MTIF2: variants seen among roughly 807,000 people sequenced by gnomAD.
The protein encoded by MTIF2 is translation initiation factor IF-2, mitochondrial.
MTIF2 carries 71 observed loss-of-function variants against 83.5 expected under a neutral mutation model. The ratio of observed to expected loss-of-function variants is 0.85; its 90% CI spans 0.70 to 1.04. MTIF2 has a LOEUF of 1.04. Ranked by LOEUF, MTIF2 falls within the 50% of genes least tolerant of loss-of-function variation. The pLI is 0.00. For missense variants in MTIF2, 957 were observed against 846.5 expected, an observed-to-expected ratio of 1.13 and a Z score of -1.62; for synonymous variants, 319 against 287.1, an observed-to-expected ratio of 1.11 and a Z score of -1.12.
intron 5 of MTIF2, among the ~76,000 whole-genome samples, chr2:55,261,015 C>A (rs1677927300): frequency 6.6e-6 from 1 of 150,404 alleles, no homozygotes; most frequent in Non-Finnish European, 1.5e-5. Context: ...AAGATGGAGT[C>A]TCGCTCTGTC....
intron 5 of MTIF2, among the ~76,000 whole-genome samples, chr2:55,259,421 A>G (rs1257679360): frequency 6.6e-6 from 1 of 151,568 alleles, no homozygotes; most frequent in Non-Finnish European, 1.5e-5. Flanking sequence ...CTAAATTTGT[A>G]TTTTAATCAT....
At position 55,263,852 on chromosome 2, in the gene MTIF2, G is replaced by C. The variant is rs1678229964; in HGVS notation, c.7C>G (p.Gln3Glu). 4.4e-6 allele frequency: 7 copies of C among 1,608,760 alleles called. No homozygotes were observed. The highest frequency in any genetic ancestry group is 1.7e-5 in the Admixed American group (1 of 59,092). ...AAGTTCTCCAACTTCAGTAGCTTCT[G>C]GTTCATGTTTCTCCTGGGGAAAAAA... MN[Q>E]KLLKLENLLR... The change falls in exon 4 of 16, where the codon CAG (glutamine) becomes GAG (glutamate). Residue 3 changes from glutamine to glutamate, a missense_variant. Physicochemically the swap from Gln to Glu is conservative, Grantham distance 29. This residue lies in a region of MTIF2 where 733 missense variants were observed against 648.7 expected (regional missense o/e 1.13). Coordinates refer to ENST00000263629, the MANE Select transcript of MTIF2 (RefSeq NM_002453.3).
chr2:55,262,442 A>G lies in MTIF2; in HGVS notation c.220-15T>C. 1.3e-6 allele frequency: 2 copies of G among 1,549,666 alleles called. No individual in the cohort carries two copies. The highest frequency in any genetic ancestry group is 1.8e-6 in the Non-Finnish European group (2 of 1,130,390). ...GGTCCTTCTTCCTATTAAAAAAATC[A>G]GAACATATAAACAAAAAGGAAGAAA... is the stretch of plus-strand genomic sequence containing the variant. On this transcript the variant is annotated splice_polypyrimidine_tract_variant and intron_variant, in intron 4 of 15. Transcript: ENST00000263629.
chr2:55,243,501 C>T lies in MTIF2; in HGVS notation c.1479G>A (p.Arg493=), dbSNP rs1315644529. The T allele has an allele frequency of 7.4e-6, 12 of 1,613,930 alleles. No individual in the cohort carries two copies. Among genetic ancestry groups the T allele is most frequent in the African/African-American group, 1.3e-5 (1 of 74,914 alleles). The change falls in exon 12 of 16, where the codon CGG becomes CGA. Residue 493 remains arginine, a synonymous_variant. Coordinates refer to ENST00000263629, the MANE Select transcript of MTIF2 (RefSeq NM_002453.3). The part of the protein sequence containing the change: ...HLLWKKRSIL[R]FLERKEQIPL... ...GTATTTGTTCTTTTCTTTCTAAAAACCGTAGAATTGATCTCTTCTTCCACA... is the reference window on the plus strand; with the variant it reads ...GTATTTGTTCTTTTCTTTCTAAAAATCGTAGAATTGATCTCTTCTTCCACA...
At position 55,246,434 on chromosome 2, in the gene MTIF2, C is replaced by G; in HGVS notation, c.1009G>C (p.Ala337Pro). 6.2e-7 allele frequency: 1 copy of G among 1,613,786 alleles called. No individual in the cohort carries two copies. The highest frequency in any genetic ancestry group is 1.1e-5 in the South Asian group (1 of 91,084). Residue 337 changes from alanine (A) to proline (P), a missense_variant, in exon 10 of 16, where the codon GCA (alanine) becomes CCA (proline). Physicochemically the swap from Ala to Pro is conservative, Grantham distance 27 (BLOSUM62 -1). Around this residue, in one of 3 missense-constraint regions of MTIF2, gnomAD observed 733 missense variants for 648.7 expected, o/e 1.13. Transcript: ENST00000263629. ...TGDNLMALAE[A>P]TVALAEMLEL... ...AACATTTCTGCAAGAGCAACTGTTG[C>G]TTCTGCCAAAGCCATCAGATTATCG...
intron 3 of MTIF2, chr2:55,266,568 T>C (rs933508233): frequency 2.0e-5 from 3 of 149,512 alleles, no homozygotes; most frequent in South Asian, 2.1e-4. Context: ...TCTCATAATA[T>C]GGCATTTCTA....
intron 3 of MTIF2, among the ~76,000 whole-genome samples, chr2:55,264,603 T>A (rs1234788540): frequency 6.6e-6 from 1 of 152,146 alleles, no homozygotes; most frequent in Non-Finnish European, 1.5e-5. Context: ...GTAACCCACC[T>A]GTCATCTCTA....
chr2:55,251,399 T>A (rs560956343), intron 8 of MTIF2, among the ~76,000 whole-genome samples: 1 of 152,196 alleles, frequency 6.6e-6, no homozygotes, highest in Non-Finnish European at 1.5e-5. Flanking sequence ...TATGCAGACA[T>A]ACTGAAAATT....
intron 14 of MTIF2, 112 bp from the exon 15 acceptor site, chr2:55,237,540 T>C: frequency 3.0e-6 from 3 of 1,014,348 alleles, no homozygotes; most frequent in Non-Finnish European, 3.9e-6. Flanking sequence ...TCCAAATTCA[T>C]GCCTAGAAAA....
intron 14 of MTIF2, 107 bp from the exon 15 acceptor site, chr2:55,237,535 A>C: frequency 9.6e-7 from 1 of 1,039,476 alleles, no homozygotes; most frequent in Non-Finnish European, 1.3e-6. Flanking sequence ...AAAAATCCAA[A>C]TTCATGCCTA....
intron 13 of MTIF2, 140 bp downstream of exon 13, chr2:55,242,800 C>G (rs1676421737): frequency 1.3e-6 from 1 of 779,860 alleles, no homozygotes; most frequent in African/African-American, 1.8e-5. Context: ...CAATTGCTAG[C>G]TGGGACTGGA....
At chr2:55,259,842 G>A (rs2104442035) in intron 5 of MTIF2, among the ~76,000 whole-genome samples, 2 of 152,218 alleles carry the variant, frequency 1.3e-5, no homozygotes, top group Middle Eastern at 3.4e-3. Flanking sequence ...TACTTAGGAG[G>A]CTGAGGCACA....
chr2:55,242,187 A>G (rs1302367035), intron 13 of MTIF2, among the ~76,000 whole-genome samples: 3 of 152,152 alleles, frequency 2.0e-5, no homozygotes, highest in African/African-American at 4.8e-5. Flanking sequence ...ATATCTTTCA[A>G]TACACTATCT....
At chr2:55,245,067 A>G (rs1289242882) in intron 10 of MTIF2, among the ~76,000 whole-genome samples, 2 of 152,190 alleles carry the variant, frequency 1.3e-5, no homozygotes, top group African/African-American at 4.8e-5. Context: ...AAATTAAAAA[A>G]TAAATAAATA....
intron 4 of MTIF2, among the ~76,000 whole-genome samples, chr2:55,262,646 C>T (rs185464391): frequency 3.3e-5 from 5 of 150,990 alleles, no homozygotes; most frequent in Non-Finnish European, 7.4e-5. Context: ...GGGTTCAAGC[C>T]ATTCTCCTGC....
At chr2:55,262,167 G>A (rs185963746) in intron 5 of MTIF2, 149 bp downstream of exon 5, 4 of 629,748 alleles carry the variant, frequency 6.4e-6, no homozygotes, top group Non-Finnish European at 1.1e-5. Context: ...TAGGGATTAT[G>A]ACTTAAAGTG....
In MTIF2 at chr2:55,254,810, G is replaced by A; in HGVS notation, c.347C>T (p.Ala116Val). Residue 116 changes from alanine to valine, a missense_variant, in exon 6 of 16, where the codon GCT (alanine) becomes GTT (valine). Physicochemically the swap from Ala to Val is moderately conservative, Grantham distance 64. Coordinates refer to ENST00000263629, the MANE Select transcript of MTIF2 (RefSeq NM_002453.3). ...MEKNTDYVYEALLNTDIDIDS... is the reference protein window; with the variant it reads ...MEKNTDYVYEVLLNTDIDIDS... Reference sequence around the variant, plus strand: ...TATGTCAATATCAGTGTTCAATAAAGCTTCATATACATAATCTGATTGGAA... The same window carrying A: ...TATGTCAATATCAGTGTTCAATAAAACTTCATATACATAATCTGATTGGAA... The A allele has an allele frequency of 1.9e-6, 3 of 1,587,824 alleles. No individual in the cohort carries two copies. The highest frequency in any genetic ancestry group is 2.6e-6 in the Non-Finnish European group (3 of 1,169,490).
At chr2:55,264,353 T>A (rs2104472643) in intron 3 of MTIF2, among the ~76,000 whole-genome samples, 1 of 152,238 alleles carries the variant, frequency 6.6e-6, no homozygotes, top group East Asian at 1.9e-4. Flanking sequence ...CACCTCAGCC[T>A]CCCTAATAGC....
Position 55,240,105 on chromosome 2 carries a change from T to A in MTIF2, c.1776A>T (p.Lys592Asn), listed in dbSNP as rs1375491523. ...IQQSAAKKGV[K>N]IKLHKIIYRL... ...GGTAAATTATTTTGTGAAGTTTAATTTTTACTCCTTTTTTTGCAGCTGACT... is the reference window on the plus strand; with the variant it reads ...GGTAAATTATTTTGTGAAGTTTAATATTTACTCCTTTTTTTGCAGCTGACT... The change falls in exon 14 of 16, where the codon AAA (lysine) becomes AAT (asparagine). Residue 592 changes from lysine (K) to asparagine (N), a missense_variant. Coordinates refer to ENST00000263629, the MANE Select transcript of MTIF2 (RefSeq NM_002453.3). The A allele has an allele frequency of 1.9e-6, 3 of 1,613,858 alleles. No individual in the cohort carries two copies. In the East Asian group the frequency reaches 6.7e-5, roughly 36 times the overall value.
Sources: allele counts gnomAD v4.1 joint callset (sites outside exome capture counted in the v4.1 genomes callset), GRCh38; gene constraint gnomAD v4.1.1; regional missense constraint gnomAD v4.1.1; transcripts MANE v1.5; gene names NCBI Gene and HGNC (gene_info 2026-07-23, HGNC 2026-07-21).